The following MGAT5 variants were observed in gnomAD, a reference collection of about 807,000 sequenced individuals.
MGAT5 encodes the protein alpha-1,6-mannosylglycoprotein 6-beta-N-acetylglucosaminyltransferase A.
In MGAT5, 30 loss-of-function variants were observed where a neutral mutation model predicts 94.3. That is an observed-to-expected ratio of 0.32 (90% CI 0.24 to 0.43). The LOEUF is 0.43. MGAT5 is among the 20% of genes least tolerant of loss of function. The probability of loss-of-function intolerance (pLI) is 1.00; values close to 1 mark genes in which losing one functional copy is unlikely to be tolerated. For synonymous variants in MGAT5, 310 were observed against 322.9 expected, an observed-to-expected ratio of 0.96 and a Z score of 0.43; for missense variants, 691 against 905.5, an observed-to-expected ratio of 0.76 and a Z score of 3.04.
intron 1 of MGAT5, among the ~76,000 whole-genome samples, chr2:134,122,451 T>G (rs553291799): frequency 1.3e-5 from 2 of 152,266 alleles, no homozygotes; most frequent in South Asian, 4.1e-4. Context: ...TTTTCCAGTT[T>G]AGTTTTTTTC....
chr2:134,271,540 A>G (rs1684026606), intron 2 of MGAT5, among the ~76,000 whole-genome samples: 1 of 152,266 alleles, frequency 6.6e-6, no homozygotes, highest in East Asian at 1.9e-4. Flanking sequence ...TTTGCTTGTA[A>G]AAATTCACAC....
chr2:134,214,945 A>G (rs918142189), intron 1 of MGAT5, among the ~76,000 whole-genome samples: 1 of 152,066 alleles, frequency 6.6e-6, no homozygotes, highest in African/African-American at 2.4e-5. Context: ...AAGCCCCCTC[A>G]TGTCCTCTCT....
At chr2:134,411,223 T>C (rs1431643110) in intron 11 of MGAT5, among the ~76,000 whole-genome samples, 1 of 152,164 alleles carries the variant, frequency 6.6e-6, no homozygotes, top group African/African-American at 2.4e-5. Context: ...AAGAGTAAGA[T>C]GCAGAGCAGG....
At chr2:134,332,641 G>A (rs2105961433) in intron 4 of MGAT5, among the ~76,000 whole-genome samples, 1 of 152,180 alleles carries the variant, frequency 6.6e-6, no homozygotes, top group Non-Finnish European at 1.5e-5. Flanking sequence ...TACCATCAGA[G>A]TGAACAGGCA....
chr2:134,135,632 C>T (rs1016427456), intron 1 of MGAT5, among the ~76,000 whole-genome samples: 1 of 134,868 alleles, frequency 7.4e-6, no homozygotes, highest in Non-Finnish European at 1.5e-5. Context: ...ATGGAGGTTG[C>T]AGTGAGCCGA....
intron 4 of MGAT5, among the ~76,000 whole-genome samples, chr2:134,334,577 C>T (rs1688227484): frequency 8.2e-6 from 1 of 121,882 alleles, no homozygotes; most frequent in Admixed American, 1.2e-4. Context: ...GTCTACAATC[C>T]ATTTGAAGTC....
intron 1 of MGAT5, among the ~76,000 whole-genome samples, chr2:134,226,316 G>C (rs927643337): frequency 1.3e-5 from 2 of 152,234 alleles, no homozygotes; most frequent in Admixed American, 6.5e-5. Context: ...TTGCAGAAGA[G>C]AGATGCAATA....
At chr2:134,129,494 A>T (rs1170812774) in intron 1 of MGAT5, among the ~76,000 whole-genome samples, 1 of 152,048 alleles carries the variant, frequency 6.6e-6, no homozygotes, top group Non-Finnish European at 1.5e-5. Flanking sequence ...AGTCCTCAAA[A>T]CTCCAAATAA....
At chr2:134,120,136 GGCGGCGGCCCTGCGGCTCCC>G (rs1292347807), upstream of MGAT5, 1 of 153,722 alleles carries the variant, frequency 6.5e-6, no homozygotes, top group Non-Finnish European at 1.4e-5. Context: ...CGGCCCGCTC[GGCGGCGGCCCTGCGGCTCCC>G]GCGGCGGCGG....
At chr2:134,275,880 G>C (rs1326975442) in intron 2 of MGAT5, among the ~76,000 whole-genome samples, 1 of 152,016 alleles carries the variant, frequency 6.6e-6, no homozygotes, top group East Asian at 1.9e-4. Context: ...GAGCCACTGT[G>C]ACTGGCCTAT....
At chr2:134,387,048 G>A (rs1389735952) in intron 10 of MGAT5, among the ~76,000 whole-genome samples, 1 of 151,774 alleles carries the variant, frequency 6.6e-6, no homozygotes, top group South Asian at 2.1e-4. Context: ...GATCACCTGA[G>A]GTCAGGAGTT....
At chr2:134,236,933 A>G (rs1221940325) in intron 1 of MGAT5, among the ~76,000 whole-genome samples, 3 of 152,200 alleles carry the variant, frequency 2.0e-5, no homozygotes, top group African/African-American at 7.2e-5. Flanking sequence ...TTGGCCTCTT[A>G]TCACCCTTTT....
intron 10 of MGAT5, among the ~76,000 whole-genome samples, chr2:134,366,320 A>G (rs1680427649): frequency 6.6e-6 from 1 of 152,234 alleles, no homozygotes; most frequent in Admixed American, 6.5e-5. Flanking sequence ...TGAAGTGTTA[A>G]CTATATTACT....
At chr2:134,406,732 A>C (rs1183174450) in intron 11 of MGAT5, among the ~76,000 whole-genome samples, 1 of 132,662 alleles carries the variant, frequency 7.5e-6, no homozygotes, top group Non-Finnish European at 1.6e-5. Flanking sequence ...AAAAAATACC[A>C]AAAAAAAAAA....
At chr2:134,328,145 G>A (rs1254909395) in intron 4 of MGAT5, among the ~76,000 whole-genome samples, 1 of 152,042 alleles carries the variant, frequency 6.6e-6, no homozygotes, top group Admixed American at 6.6e-5. Flanking sequence ...TATTGAAAGT[G>A]TCTTATCCTC....
chr2:134,291,321 C>G lies in MGAT5; in HGVS notation c.406+20771C>G, dbSNP rs141078980. Among the ~76,000 whole-genome samples, 133 of 152,260 alleles carry G rather than the reference C, an allele frequency of 8.7e-4. 2 individuals are homozygous for G. The highest frequency in any genetic ancestry group is 3.1e-3 in the African/African-American group (129 of 41,560). The stretch of plus-strand genomic sequence containing the variant: ...AGACACCAGAGCTTGTTTTTTCTCT[C>G]TGTTCTTGTCTGTGAGGATACAAGG... On this transcript the variant is annotated intron_variant, in intron 2 of 15. Transcript: ENST00000281923.
intron 3 of MGAT5, 114 bp downstream of exon 3, chr2:134,317,719 A>G (rs1221198072): frequency 3.2e-6 from 2 of 616,418 alleles, no homozygotes; most frequent in African/African-American, 1.9e-5. Flanking sequence ...GACATGGATC[A>G]TTTATGGGGT....
chr2:134,392,941 G>T (rs1355781451), intron 10 of MGAT5, among the ~76,000 whole-genome samples: 1 of 152,210 alleles, frequency 6.6e-6, no homozygotes, highest in Non-Finnish European at 1.5e-5. Context: ...CGAAGGCATT[G>T]CATCCTCTGA....
chr2:134,338,195 A>G (rs1688437437), intron 5 of MGAT5, 64 bp from the exon 6 acceptor site: 5 of 1,359,328 alleles, frequency 3.7e-6, no homozygotes, highest in South Asian at 1.4e-5. Flanking sequence ...ATGTCACATC[A>G]TGAAAACTAT....
Sources: allele counts gnomAD v4.1 joint callset (sites outside exome capture counted in the v4.1 genomes callset), GRCh38; gene constraint gnomAD v4.1.1; transcripts MANE v1.5; gene names NCBI Gene and HGNC (gene_info 2026-07-23, HGNC 2026-07-21).